LRRC20: variants seen among roughly 807,000 people sequenced by gnomAD.
LRRC20 encodes leucine-rich repeat-containing protein 20.
Under a neutral mutation model 14.4 loss-of-function variants are expected in LRRC20, and 11 were observed. The ratio of observed to expected loss-of-function variants is 0.77; its 90% CI spans 0.48 to 1.27. The LOEUF is 1.27. LRRC20 is among the 50% of genes most tolerant of loss of function. The pLI is 0.00. For missense variants in LRRC20, 219 were observed against 251.2 expected (o/e 0.87, Z 0.87); for synonymous variants, 121 against 107.3 (o/e 1.13, Z -0.79).
At chr10:70,345,068 A>T (rs892446693) in intron 2 of LRRC20, among the ~76,000 whole-genome samples, 5 of 152,210 alleles carry the variant, frequency 3.3e-5, no homozygotes, top group Non-Finnish European at 7.3e-5. Flanking sequence ...GGAAATCTAT[A>T]AGCAAGACCC....
intron 3 of LRRC20, among the ~76,000 whole-genome samples, chr10:70,329,235 G>A (rs573634128): frequency 6.6e-6 from 1 of 152,314 alleles, no homozygotes; most frequent in African/African-American, 2.4e-5. Context: ...AACAAGAAAA[G>A]AAGGTTATTT....
chr10:70,350,357 A>G (rs771268996), intron 2 of LRRC20, among the ~76,000 whole-genome samples: 2 of 152,268 alleles, frequency 1.3e-5, no homozygotes, highest in African/African-American at 4.8e-5. Flanking sequence ...TTGCAAGAAG[A>G]CCAAACTGCA....
intron 2 of LRRC20, among the ~76,000 whole-genome samples, chr10:70,361,779 G>A (rs1432686587): frequency 6.6e-6 from 1 of 150,878 alleles, no homozygotes; most frequent in East Asian, 2.0e-4. Flanking sequence ...ATACACATCT[G>A]CCGGAGTGAA....
chr10:70,325,774 G>T (rs1045680479), intron 3 of LRRC20, among the ~76,000 whole-genome samples: 1 of 152,150 alleles, frequency 6.6e-6, no homozygotes, highest in East Asian at 1.9e-4. Flanking sequence ...CACTGTGGAC[G>T]GGGCCCCCGG....
rs115417327 is a variant in LRRC20, at chr10:70,325,317, A to G, written c.233-1287T>C. Reference sequence around the variant, plus strand: ...GAGCTGGGTCATGGAGTCTGAGCTCACACATGATCCGATCTCCTACTGCCT... The same window carrying G: ...GAGCTGGGTCATGGAGTCTGAGCTCGCACATGATCCGATCTCCTACTGCCT... On this transcript the variant is annotated intron_variant, in intron 3 of 4. Coordinates refer to ENST00000446961, the MANE Select transcript of LRRC20 (RefSeq NM_001278212.2). 9.2e-3 allele frequency among the ~76,000 whole-genome samples: 1,408 copies of G among 152,268 alleles called. 23 individuals are homozygous for G. Among genetic ancestry groups the G allele is most frequent in the African/African-American group, 0.032 (1,344 of 41,548 alleles).
In LRRC20 at chr10:70,351,318, A is replaced by G. The variant is rs533140125; in HGVS notation, c.83-10616T>C. ...CAATATCCCCAGGTGATTCTTATCA[A>G]TAGGCAAACTTGGGAAACACTGAGT... On this transcript the variant is annotated intron_variant, in intron 2 of 4. Transcript: ENST00000446961. 7.2e-5 allele frequency among the ~76,000 whole-genome samples: 11 copies of G among 152,340 alleles called. No individual in the cohort carries two copies. In the South Asian group the frequency reaches 2.1e-3, roughly 29 times the overall value.
At chr10:70,366,906 T>C (rs969384022) in intron 2 of LRRC20, among the ~76,000 whole-genome samples, 3 of 152,212 alleles carry the variant, frequency 2.0e-5, no homozygotes, top group Non-Finnish European at 2.9e-5. Context: ...TAGCACTTTA[T>C]ACAAAGGACT....
chr10:70,308,160 G>A (rs934846504), intron 4 of LRRC20, among the ~76,000 whole-genome samples: 6 of 152,180 alleles, frequency 3.9e-5, no homozygotes, highest in South Asian at 2.1e-4. Flanking sequence ...TTTGGCCTCC[G>A]CTGAGAGCAC....
intron 2 of LRRC20, 76 bp from the exon 3 acceptor site, chr10:70,340,778 C>G: frequency 6.6e-7 from 1 of 1,505,428 alleles, no homozygotes; most frequent in Non-Finnish European, 9.1e-7. Context: ...CTCACACAGA[C>G]CCCACCTCCA....
chr10:70,303,831 T>C (rs1841303967), intron 4 of LRRC20, among the ~76,000 whole-genome samples: 1 of 152,198 alleles, frequency 6.6e-6, no homozygotes, highest in South Asian at 2.1e-4. Context: ...ACATAACTAA[T>C]ATTTCCTCAA....
At chr10:70,321,824 T>C (rs1477212826) in intron 4 of LRRC20, among the ~76,000 whole-genome samples, 2 of 152,228 alleles carry the variant, frequency 1.3e-5, no homozygotes, top group Non-Finnish European at 2.9e-5. Context: ...TTTCTACCTG[T>C]GTCAAGGGGA....
intron 4 of LRRC20, among the ~76,000 whole-genome samples, chr10:70,306,720 G>T (rs1158100094): frequency 6.6e-6 from 1 of 152,062 alleles, no homozygotes; most frequent in African/African-American, 2.4e-5. Flanking sequence ...TCTTAAGAGC[G>T]TGCAAATATC....
intron 3 of LRRC20, among the ~76,000 whole-genome samples, chr10:70,329,238 G>A (rs144025959): frequency 6.6e-6 from 1 of 152,250 alleles, no homozygotes; most frequent in East Asian, 1.9e-4. Context: ...AAGAAAAGAA[G>A]GTTATTTCAG....
At chr10:70,325,721 C>T (rs1464720877) in intron 3 of LRRC20, among the ~76,000 whole-genome samples, 2 of 152,194 alleles carry the variant, frequency 1.3e-5, no homozygotes, top group Non-Finnish European at 2.9e-5. Context: ...AGGGCAGAAA[C>T]CTAGCAGCTG....
chr10:70,358,901 T>C (rs188713659), intron 2 of LRRC20, among the ~76,000 whole-genome samples: 415 of 152,314 alleles, frequency 2.7e-3, no homozygotes, highest in Non-Finnish European at 4.2e-3. Context: ...AGTACAGCGC[T>C]GGGCAAACGC....
chr10:70,299,841 T>C lies in LRRC20; in HGVS notation c.*1513A>G, dbSNP rs1841102455. ...TACGAGCAGAATGAACAGAGTCTCT[T>C]GAGATACTGAGCGCTCAGTGATGGC... On this transcript the variant is annotated 3_prime_UTR_variant, in exon 5 of 5. Coordinates refer to ENST00000446961, the MANE Select transcript of LRRC20 (RefSeq NM_001278212.2). The C allele has an allele frequency of 6.6e-6, 1 of 152,170 alleles. No homozygotes were observed. The highest frequency in any genetic ancestry group is 2.4e-5 in the African/African-American group (1 of 41,410). 9.4% of individuals were successfully genotyped at this position (152,170 alleles called of 1,614,324 possible).
chr10:70,321,532 C>G (rs1842074783), intron 4 of LRRC20, among the ~76,000 whole-genome samples: 1 of 152,238 alleles, frequency 6.6e-6, no homozygotes, highest in Non-Finnish European at 1.5e-5. Flanking sequence ...CTCTCTCTAG[C>G]TCGGGGGCAG....
intron 2 of LRRC20, among the ~76,000 whole-genome samples, chr10:70,373,860 A>C (rs1391826538): frequency 6.6e-6 from 1 of 152,168 alleles, no homozygotes; most frequent in Non-Finnish European, 1.5e-5. Flanking sequence ...GTGGCCAGAG[A>C]ACTGCTTGGG....
chr10:70,310,790 C>A (rs1189427782), intron 4 of LRRC20, among the ~76,000 whole-genome samples: 2 of 152,338 alleles, frequency 1.3e-5, no homozygotes, highest in East Asian at 3.9e-4. Flanking sequence ...CATTCCCTGG[C>A]CTCACCCATT....
Sources: gnomAD v4.1 joint callset for allele counts (sites outside exome capture counted in the v4.1 genomes callset) on GRCh38, gnomAD v4.1.1 for gene constraint, MANE v1.5 for transcripts, NCBI Gene and HGNC (gene_info 2026-07-23, HGNC 2026-07-21) for gene names.